Variants in METTL25 observed in about 807,000 individuals in gnomAD.
The protein encoded by METTL25 is probable methyltransferase-like protein 25.
In METTL25, 64 loss-of-function variants were observed where a neutral mutation model predicts 71.6. The observed-to-expected ratio is 0.89, with a 90% CI of 0.73 to 1.10. The LOEUF is 1.10. METTL25 is among the 50% of genes least tolerant of loss of function. METTL25 has a pLI of 0.00. For missense variants in METTL25, 807 were observed against 707.0 expected (o/e 1.14, Z -1.60); for synonymous variants, 287 against 250.3 (o/e 1.15, Z -1.38).
chr12:82,421,142 G>A (rs748400267), intron 5 of METTL25, among the ~76,000 whole-genome samples: 2 of 152,114 alleles, frequency 1.3e-5, no homozygotes, highest in Non-Finnish European at 2.9e-5. Flanking sequence ...AATTATAGGC[G>A]TGAGCCACCA....
intron 5 of METTL25, among the ~76,000 whole-genome samples, chr12:82,427,441 T>A (rs149848432): frequency 6.7e-4 from 102 of 152,070 alleles, no homozygotes; most frequent in African/African-American, 2.4e-3. Flanking sequence ...CTTTCCAGTG[T>A]AGTGTATTTT....
At chr12:82,438,835 A>G in intron 8 of METTL25, 44 bp downstream of exon 8, 1 of 1,449,204 alleles carries the variant, frequency 6.9e-7, no homozygotes, top group African/African-American at 1.4e-5. Context: ...GTTATATTGT[A>G]AGTAAAGTGA....
At chr12:82,434,828 C>A in intron 7 of METTL25, 104 bp downstream of exon 7, 1 of 972,174 alleles carries the variant, frequency 1.0e-6, no homozygotes, top group East Asian at 2.5e-5. Flanking sequence ...TAATAAATAT[C>A]TTGTCCCAGA....
chr12:82,430,253 C>A (rs1342137406), intron 5 of METTL25, among the ~76,000 whole-genome samples: 1 of 151,040 alleles, frequency 6.6e-6, no homozygotes, highest in Non-Finnish European at 1.5e-5. Context: ...CACCAAGTTG[C>A]ATGTGTAACT....
chr12:82,410,278 T>C (rs933959236), intron 5 of METTL25, among the ~76,000 whole-genome samples: 1 of 152,144 alleles, frequency 6.6e-6, no homozygotes, highest in Non-Finnish European at 1.5e-5. Context: ...CATAGAGAAA[T>C]GTATGACTAA....
chr12:82,393,574 A>G (rs1209916454), intron 3 of METTL25, among the ~76,000 whole-genome samples: 4 of 152,010 alleles, frequency 2.6e-5, no homozygotes, highest in African/African-American at 9.7e-5. Flanking sequence ...AACAAAGATC[A>G]TTTGACTTTT....
In METTL25 at chr12:82,363,713, TA is replaced by T. The variant is rs200929195; in HGVS notation, c.259+4897del. Among the ~76,000 whole-genome samples, 751 of 120,282 alleles carry T rather than the reference TA, an allele frequency of 6.2e-3. 21 individuals are homozygous for T. The highest frequency in any genetic ancestry group is 1.6e-3 in the Non-Finnish European group (92 of 57,556). 78.9% of individuals were successfully genotyped at this position (120,282 alleles called of 152,430 possible). A position where few individuals can be genotyped will look rare whatever the true frequency, so the allele number is the denominator to read the frequency against. On this transcript the variant is annotated intron_variant, in intron 1 of 11. Coordinates refer to ENST00000248306, the MANE Select transcript of METTL25 (RefSeq NM_032230.3). ...AGTATCTGCCATTCCATTTTTCAACTAAAAAAAACTAGATGTTTAAAAAAAA... is the reference window on the plus strand; with the variant it reads ...AGTATCTGCCATTCCATTTTTCAACTAAAAAAACTAGATGTTTAAAAAAAA...
chr12:82,461,932 C>A (rs2137273293), intron 9 of METTL25, among the ~76,000 whole-genome samples: 1 of 152,320 alleles, frequency 6.6e-6, no homozygotes, highest in South Asian at 2.1e-4. Context: ...TATATTGTCT[C>A]CCACTCTAGT....
chr12:82,464,817 C>A (rs143800217), intron 9 of METTL25, among the ~76,000 whole-genome samples: 8 of 151,698 alleles, frequency 5.3e-5, no homozygotes, highest in Non-Finnish European at 8.9e-5. Context: ...TTGTAGAGGT[C>A]TTTTACCTCC....
At chr12:82,375,147 A>T (rs1040084813) in intron 1 of METTL25, among the ~76,000 whole-genome samples, 1 of 152,214 alleles carries the variant, frequency 6.6e-6, no homozygotes, top group East Asian at 1.9e-4. Context: ...TGCATTTTAG[A>T]TATATGTTGC....
At chr12:82,360,043 A>C (rs2136775367) in intron 1 of METTL25, among the ~76,000 whole-genome samples, 1 of 152,356 alleles carries the variant, frequency 6.6e-6, no homozygotes, top group Non-Finnish European at 1.5e-5. Context: ...TGACTTGTCA[A>C]CTGATGTATT....
intron 9 of METTL25, among the ~76,000 whole-genome samples, chr12:82,470,846 G>A (rs1004727251): frequency 7.9e-5 from 12 of 152,162 alleles, no homozygotes; most frequent in Admixed American, 5.9e-4. Context: ...TTGTTGAGAA[G>A]TATAGATTTG....
intron 9 of METTL25, among the ~76,000 whole-genome samples, chr12:82,473,514 GC>G (rs1302362063): frequency 6.6e-6 from 1 of 152,144 alleles, no homozygotes; most frequent in Admixed American, 6.5e-5. Flanking sequence ...TGTGTCATAG[GC>G]CCACAGCTGC....
chr12:82,361,073 A>T (rs1482818802), intron 1 of METTL25, among the ~76,000 whole-genome samples: 1 of 152,022 alleles, frequency 6.6e-6, no homozygotes, highest in Non-Finnish European at 1.5e-5. Context: ...GTCTGCTTTT[A>T]TTCTCTTATC....
chr12:82,377,086 C>G (rs143425323), intron 1 of METTL25, among the ~76,000 whole-genome samples: 8,797 of 151,656 alleles, frequency 0.058, 348 homozygotes, highest in African/African-American at 0.11. Flanking sequence ...GCACTGCAGC[C>G]TGGGTGACAA....
At chr12:82,447,408 A>G (rs1565873114) in intron 8 of METTL25, among the ~76,000 whole-genome samples, 1 of 152,214 alleles carries the variant, frequency 6.6e-6, no homozygotes. Context: ...TTTATATACC[A>G]CAATGCAAAT....
At chr12:82,401,061 A>T (rs1013271259) in intron 4 of METTL25, among the ~76,000 whole-genome samples, 1 of 152,100 alleles carries the variant, frequency 6.6e-6, no homozygotes, top group South Asian at 2.1e-4. Context: ...TAAACTAATC[A>T]TCAAGAAAAG....
chr12:82,402,599 T>G (rs4334093), intron 4 of METTL25, among the ~76,000 whole-genome samples: 140,307 of 152,236 alleles, frequency 0.92, 65,002 homozygotes, highest in East Asian at 1. Flanking sequence ...AATAAAAACA[T>G]AGAATACTTT....
chr12:82,478,865 T>C (rs1893035953), intron 11 of METTL25, 67 bp from the exon 12 acceptor site: 1 of 1,219,856 alleles, frequency 8.2e-7, no homozygotes, highest in South Asian at 1.3e-5. Context: ...CAATATATAA[T>C]CCAACTCGCG....
Sources: gnomAD v4.1 joint callset for allele counts (sites outside exome capture counted in the v4.1 genomes callset) on GRCh38, gnomAD v4.1.1 for gene constraint, MANE v1.5 for transcripts, NCBI Gene and HGNC (gene_info 2026-07-23, HGNC 2026-07-21) for gene names.